The following GLB1 variants were observed in gnomAD, a reference collection of about 807,000 sequenced individuals.
The protein encoded by GLB1 is galactosidase beta 1.
A neutral mutation model predicts 74.0 loss-of-function variants in GLB1; 56 were observed. That is an observed-to-expected ratio of 0.76 (90% CI 0.61 to 0.94). GLB1 has a LOEUF of 0.94. GLB1 is among the 40% of genes least tolerant of loss of function. The pLI, the probability that GLB1 is intolerant of heterozygous loss-of-function variation, is 0.00. For missense variants in GLB1, 787 were observed against 845.5 expected (o/e 0.93, Z 0.86); for synonymous variants, 323 against 323.6 (o/e 1.00, Z 0.02).
At position 33,093,491 on chromosome 3, in the gene GLB1, C is replaced by G; in HGVS notation, c.75+3520G>C. The G allele has an allele frequency of 6.2e-7, 1 of 1,614,176 alleles. No homozygotes were observed. The highest frequency in any genetic ancestry group is 8.5e-7 in the Non-Finnish European group (1 of 1,180,034). ...CAATCACCGTGATGTCTGGTTCCAG[C>G]ACATTCACCATCCTCACAAACATTT... is the stretch of plus-strand genomic sequence containing the variant. On this transcript the variant is annotated intron_variant, in intron 1 of 15. Coordinates refer to ENST00000307363, the MANE Select transcript of GLB1 (RefSeq NM_000404.4). This position sits in a 1 kb window ranked among gnomAD's most constrained non-coding sequence, Gnocchi z 6.0.
At chr3:33,002,472 ATCC>A (rs1053530961) in intron 15 of GLB1, among the ~76,000 whole-genome samples, 2 of 151,700 alleles carry the variant, frequency 1.3e-5, no homozygotes, top group African/African-American at 4.8e-5. Flanking sequence ...GGCTTAAGCG[ATCC>A]TCCTGTGTCA....
chr3:33,012,212 T>A (rs956325048), intron 15 of GLB1, among the ~76,000 whole-genome samples: 1 of 152,186 alleles, frequency 6.6e-6, no homozygotes, highest in African/African-American at 2.4e-5. Context: ...ATCCCTGCCC[T>A]GAATTCCCAG....
intron 1 of GLB1, among the ~76,000 whole-genome samples, chr3:33,089,688 G>T (rs116093800): frequency 2.8e-4 from 42 of 152,286 alleles, no homozygotes; most frequent in African/African-American, 9.4e-4. Flanking sequence ...CTTATACGAG[G>T]TATCTAAAGC....
intron 10 of GLB1, among the ~76,000 whole-genome samples, chr3:33,035,141 A>T (rs1698216135): frequency 6.6e-6 from 1 of 151,850 alleles, no homozygotes; most frequent in Non-Finnish European, 1.5e-5. Flanking sequence ...TTTTTAAAAA[A>T]ATGTTGTAGG....
At chr3:32,991,388 T>C in the GLB1 span, among the ~76,000 whole-genome samples, 1 of 152,214 alleles carries the variant, frequency 6.6e-6, no homozygotes, top group Non-Finnish European at 1.5e-5. Flanking sequence ...TGGATGGAAA[T>C]ACACAAATTG....
At chr3:33,032,090 G>C (rs1698071783) in intron 10 of GLB1, among the ~76,000 whole-genome samples, 1 of 152,090 alleles carries the variant, frequency 6.6e-6, no homozygotes, top group Admixed American at 6.5e-5. Context: ...GAGCCACTGA[G>C]CCTGGCAATT....
At chr3:33,077,963 T>A (rs1700182499) in intron 1 of GLB1, among the ~76,000 whole-genome samples, 1 of 152,160 alleles carries the variant, frequency 6.6e-6, no homozygotes, top group Non-Finnish European at 1.5e-5. Flanking sequence ...ACATAGTTGT[T>A]AAATGTAGGG....
chr3:33,059,007 CCTCGGCAGACATG>C (rs1396047683), intron 5 of GLB1, among the ~76,000 whole-genome samples: 9 of 152,180 alleles, frequency 5.9e-5, no homozygotes, highest in African/African-American at 2.2e-4. Flanking sequence ...GGTTGTCATA[CCTCGGCAGACATG>C]CTCATGGCAT....
At chr3:32,962,192 T>C in the GLB1 span, among the ~76,000 whole-genome samples, 4 of 37,046 alleles carry the variant, frequency 1.1e-4, no homozygotes, top group African/African-American at 2.7e-4. Flanking sequence ...AGACTACATA[T>C]TAAAAAAAAA....
intron 13 of GLB1, among the ~76,000 whole-genome samples, chr3:33,018,021 T>G (rs1697305658): frequency 6.6e-6 from 1 of 152,044 alleles, no homozygotes; most frequent in African/African-American, 2.4e-5. Context: ...TGGTGGGTCA[T>G]GCCTGTAATC....
intron 9 of GLB1, among the ~76,000 whole-genome samples, chr3:33,049,957 AT>A (rs1390171568): frequency 6.6e-6 from 1 of 152,222 alleles, no homozygotes; most frequent in Admixed American, 6.5e-5. Context: ...GAGAAACTTC[AT>A]TAAGAGCTGA....
chr3:33,068,890 C>T lies in GLB1; in HGVS notation c.326G>A (p.Arg109Gln), dbSNP rs754790691. The change falls in exon 3 of 16, where the codon CGG (arginine) becomes CAG (glutamine). Residue 109 changes from arginine (R) to glutamine (Q), a missense_variant. Arg to Gln is a conservative substitution (Grantham distance 43, BLOSUM62 1). Transcript: ENST00000307363. Reference sequence around the variant, plus strand: ...CAGCAGTCCCAGCTCATGAGCCAGCCGAAGAAAATATTCCACATCATGGTC... The same window carrying T: ...CAGCAGTCCCAGCTCATGAGCCAGCTGAAGAAAATATTCCACATCATGGTC... Reference protein sequence around the residue: ...SEDHDVEYFLRLAHELGLLVI... With the variant: ...SEDHDVEYFLQLAHELGLLVI... The T allele has an allele frequency of 8.1e-6, 13 of 1,614,086 alleles. No homozygotes were observed. The highest frequency in any genetic ancestry group is 2.2e-5 in the East Asian group (1 of 44,882).
At chr3:33,083,660 G>A (rs1439367080) in intron 1 of GLB1, among the ~76,000 whole-genome samples, 2 of 151,960 alleles carry the variant, frequency 1.3e-5, no homozygotes, top group South Asian at 2.1e-4. Flanking sequence ...AAGCAATTCC[G>A]AACAAACCAA....
chr3:33,074,373 GAAGGAAGGAAGGAAGGAAGA>G (rs1354470971), intron 1 of GLB1, among the ~76,000 whole-genome samples: 59 of 6,600 alleles, frequency 8.9e-3, no homozygotes, highest in Non-Finnish European at 0.031. Flanking sequence ...AGGAAGGAAG[GAAGGAAGGAAGGAAGGAAGA>G]AAGAAAGAAA....
chr3:33,096,647 G>C, intron 1 of GLB1: 1 of 1,094,046 alleles, frequency 9.1e-7, no homozygotes, highest in South Asian at 3.0e-5. Flanking sequence ...AACCAGAGCC[G>C]GAGGCACCCT....
intron 6 of GLB1, among the ~76,000 whole-genome samples, chr3:33,054,254 G>C (rs540875230): frequency 7.9e-5 from 12 of 152,166 alleles, no homozygotes; most frequent in African/African-American, 1.9e-4. Flanking sequence ...TTTTGTTATA[G>C]CAGCCCACAC....
chr3:33,089,237 G>A (rs933325390), intron 1 of GLB1, among the ~76,000 whole-genome samples: 2 of 152,110 alleles, frequency 1.3e-5, no homozygotes, highest in African/African-American at 4.8e-5. Flanking sequence ...ATGATTTCTT[G>A]GATATGATGC....
rs1009492279 is a variant in GLB1, at chr3:33,017,336, A to C, written c.1348-496T>G. 2.0e-5 allele frequency among the ~76,000 whole-genome samples: 3 copies of C among 152,234 alleles called. 1 individual carries two copies. The highest frequency in any genetic ancestry group is 7.2e-5 in the African/African-American group (3 of 41,450). The stretch of plus-strand genomic sequence containing the variant: ...CGAAAATCATACAACAGAATGAGGA[A>C]AAACAACAGGTATTTTATCAACAAC... On this transcript the variant is annotated intron_variant, in intron 13 of 15. Coordinates refer to ENST00000307363, the MANE Select transcript of GLB1 (RefSeq NM_000404.4).
At chr3:33,089,525 AC>A (rs1359771120) in intron 1 of GLB1, among the ~76,000 whole-genome samples, 2 of 152,232 alleles carry the variant, frequency 1.3e-5, no homozygotes, top group Non-Finnish European at 2.9e-5. Context: ...AACATGCTCA[AC>A]ATGGATAAAC....
Sources: gnomAD v4.1 joint callset for allele counts (sites outside exome capture counted in the v4.1 genomes callset) on GRCh38, gnomAD v4.1.1 for gene constraint, Gnocchi (gnomAD v3.1) non-coding constraint, MANE v1.5 for transcripts, NCBI Gene and HGNC (gene_info 2026-07-23, HGNC 2026-07-21) for gene names.